The following TRPM3 variants were observed in gnomAD, a reference collection of about 807,000 sequenced individuals.
TRPM3 encodes transient receptor potential cation channel subfamily M member 3, also known as long transient receptor potential channel 3.
In TRPM3, 77 loss-of-function variants were observed where a neutral mutation model predicts 181.2. The observed-to-expected ratio is 0.42, with a 90% CI of 0.35 to 0.51. The LOEUF is 0.51. Among genes scored for constraint, TRPM3 ranks in the 20% least tolerant of loss-of-function variants. The probability of loss-of-function intolerance (pLI) is 0.01; values close to 1 mark genes in which losing one functional copy is unlikely to be tolerated. For missense variants in TRPM3, 1,759 were observed against 2,196.7 expected (o/e 0.80, Z 3.98); for synonymous variants, 745 against 796.4 (o/e 0.94, Z 1.09).
chr9:71,380,744 T>C (rs2092780632), intron 1 of TRPM3, among the ~76,000 whole-genome samples: 1 of 152,144 alleles, frequency 6.6e-6, no homozygotes, highest in Admixed American at 6.6e-5. Context: ...AATCTTTCAC[T>C]TGCTGCTTCA....
At chr9:70,811,214 C>T (rs755872465) in intron 6 of TRPM3, 35 of 1,611,898 alleles carry the variant, frequency 2.2e-5, no homozygotes, top group East Asian at 4.5e-5. Flanking sequence ...ATAAAACAAG[C>T]GGGAGTCAAG....
chr9:70,605,009 T>C (rs1243278487), intron 19 of TRPM3, among the ~76,000 whole-genome samples: 2 of 131,284 alleles, frequency 1.5e-5, no homozygotes, highest in Middle Eastern at 5.3e-3. Flanking sequence ...CAGGCTGGAG[T>C]GCAGTGGTGC....
At chr9:70,635,396 G>T in intron 11 of TRPM3, 135 bp from the exon 12 acceptor site, 1 of 618,016 alleles carries the variant, frequency 1.6e-6, no homozygotes, top group Non-Finnish European at 2.8e-6. Context: ...TAGTTGCTCA[G>T]TGTATCTGCC....
intron 1 of TRPM3, among the ~76,000 whole-genome samples, chr9:71,217,154 GTTA>G (rs1450590419): frequency 6.6e-6 from 1 of 151,348 alleles, no homozygotes; most frequent in Non-Finnish European, 1.5e-5. Context: ...GTTTCACCGT[GTTA>G]GCCAGGATGG....
At chr9:70,936,731 C>T (rs2096831936) in intron 1 of TRPM3, among the ~76,000 whole-genome samples, 2 of 152,160 alleles carry the variant, frequency 1.3e-5, no homozygotes, top group South Asian at 2.1e-4. Context: ...TTTTATGACT[C>T]AGTGGAATAT....
At chr9:70,894,668 G>T (rs922787512) in intron 1 of TRPM3, among the ~76,000 whole-genome samples, 1 of 151,766 alleles carries the variant, frequency 6.6e-6, no homozygotes, top group South Asian at 2.1e-4. Flanking sequence ...GCAAGATTTG[G>T]CTTCTCCAGG....
chr9:70,951,190 T>C (rs765925926), intron 1 of TRPM3, among the ~76,000 whole-genome samples: 5 of 152,144 alleles, frequency 3.3e-5, no homozygotes, highest in Non-Finnish European at 7.4e-5. Flanking sequence ...GAATTAGGAA[T>C]GTAAAAGATC....
At chr9:70,543,203 T>G (rs557950204) in intron 25 of TRPM3, among the ~76,000 whole-genome samples, 9 of 152,276 alleles carry the variant, frequency 5.9e-5, no homozygotes, top group Admixed American at 3.9e-4. Context: ...GACTTTTATT[T>G]TAATTAATTT....
intron 1 of TRPM3, among the ~76,000 whole-genome samples, chr9:70,997,667 C>T (rs557013034): frequency 8.6e-4 from 131 of 152,144 alleles, no homozygotes; most frequent in Middle Eastern, 3.4e-3. Context: ...TTTTGCAGGG[C>T]GCCTAATTGA....
At position 71,112,698 on chromosome 9, in the gene TRPM3, C is replaced by A. The variant is rs149036691; in HGVS notation, c.177+8480G>T. On this transcript the variant is annotated intron_variant, in intron 1 of 25. Coordinates refer to ENST00000677713, the MANE Select transcript of TRPM3 (RefSeq NM_001366145.2). Reference sequence around the variant, plus strand: ...AAATTGAACAAGATATGATTCTCAACTTCAAGAAGATTTTCAAAATGAGTT... The same window carrying A: ...AAATTGAACAAGATATGATTCTCAAATTCAAGAAGATTTTCAAAATGAGTT... Among the ~76,000 whole-genome samples the A allele has an allele frequency of 9.0e-4, 137 of 152,252 alleles. 1 individual carries two copies. The highest frequency in any genetic ancestry group is 3.2e-3 in the African/African-American group (133 of 41,554).
intron 6 of TRPM3, among the ~76,000 whole-genome samples, chr9:70,808,866 C>T (rs1291196064): frequency 6.6e-6 from 1 of 152,154 alleles, no homozygotes; most frequent in East Asian, 1.9e-4. Flanking sequence ...CAGATTGTAG[C>T]ACCCACAGAA....
intron 24 of TRPM3, among the ~76,000 whole-genome samples, chr9:70,552,165 C>T (rs564682710): frequency 9.9e-5 from 15 of 152,210 alleles, no homozygotes; most frequent in South Asian, 2.1e-4. Flanking sequence ...CTTAATGGAG[C>T]GTGGTACCCA....
chr9:71,402,204 T>G (rs1223490282), intron 1 of TRPM3, among the ~76,000 whole-genome samples: 1 of 152,226 alleles, frequency 6.6e-6, no homozygotes, highest in Non-Finnish European at 1.5e-5. Context: ...TATTTAAATA[T>G]CGAGTTCACT....
intron 1 of TRPM3, among the ~76,000 whole-genome samples, chr9:71,264,641 C>G (rs1438025692): frequency 6.6e-6 from 1 of 152,138 alleles, no homozygotes; most frequent in Non-Finnish European, 1.5e-5. Flanking sequence ...GTAAAATGGG[C>G]TCCACTGTCT....
chr9:71,398,921 A>C (rs910168514), intron 1 of TRPM3, among the ~76,000 whole-genome samples: 1 of 152,246 alleles, frequency 6.6e-6, no homozygotes, highest in Admixed American at 6.5e-5. Flanking sequence ...TGTAAACTTT[A>C]AAATGAAAAT....
At chr9:70,904,373 G>A (rs2096432678) in intron 1 of TRPM3, among the ~76,000 whole-genome samples, 1 of 152,096 alleles carries the variant, frequency 6.6e-6, no homozygotes, top group Non-Finnish European at 1.5e-5. Context: ...TTTAATTAAA[G>A]AAACACAACT....
At chr9:70,773,791 C>T (rs1047159439) in intron 7 of TRPM3, among the ~76,000 whole-genome samples, 1 of 152,130 alleles carries the variant, frequency 6.6e-6, no homozygotes. Flanking sequence ...ACTGTTGTGC[C>T]TTGCAGAGTC....
chr9:71,216,247 A>AATT (rs1565350760), intron 1 of TRPM3, among the ~76,000 whole-genome samples: 3 of 120,378 alleles, frequency 2.5e-5, no homozygotes, highest in South Asian at 2.9e-4. Context: ...TGGGAATACT[A>AATT]ATTATTCTTA....
intron 1 of TRPM3, among the ~76,000 whole-genome samples, chr9:71,079,722 C>T (rs2063954195): frequency 6.6e-6 from 1 of 152,156 alleles, no homozygotes; most frequent in African/African-American, 2.4e-5. Flanking sequence ...CAGGGTTTGT[C>T]GGAGAGTCCA....
Sources: gnomAD v4.1 joint callset for allele counts (sites outside exome capture counted in the v4.1 genomes callset) on GRCh38, gnomAD v4.1.1 for gene constraint, MANE v1.5 for transcripts, NCBI Gene and HGNC (gene_info 2026-07-23, HGNC 2026-07-21) for gene names.